Variants in FOXP2 observed in about 807,000 individuals in gnomAD.
FOXP2 encodes forkhead box P2, also known as forkhead box protein P2.
A neutral mutation model predicts 115.8 loss-of-function variants in FOXP2; 12 were observed. The observed-to-expected ratio is 0.10, with a 90% CI of 0.07 to 0.17. The LOEUF (loss-of-function observed/expected upper bound fraction) is 0.17, where lower values mean the gene tolerates loss of function less well. Among genes scored for constraint, FOXP2 ranks in the 10% least tolerant of loss-of-function variants. FOXP2 has a pLI of 1.00. For synonymous variants in FOXP2, 328 were observed against 297.7 expected (o/e 1.10, Z -1.05); for missense variants, 629 against 843.5 (o/e 0.75, Z 3.15).
At chr7:114,163,525 T>G (rs1182383673) in intron 1 of FOXP2, among the ~76,000 whole-genome samples, 1 of 152,178 alleles carries the variant, frequency 6.6e-6, no homozygotes, top group Non-Finnish European at 1.5e-5. Context: ...TACATTAATT[T>G]CTTTATTCAC....
At chr7:114,332,934 CTATT>C (rs568005521) in intron 2 of FOXP2, among the ~76,000 whole-genome samples, 19 of 152,058 alleles carry the variant, frequency 1.2e-4, no homozygotes, top group Non-Finnish European at 1.5e-4. Context: ...TCTGAAAGAA[CTATT>C]AAAAGATCAG....
intron 2 of FOXP2, among the ~76,000 whole-genome samples, chr7:114,294,841 A>AAAATAAAT (rs201482409): frequency 0.1 from 14,561 of 139,568 alleles, 1,120 homozygotes; most frequent in Admixed American, 0.24. Context: ...ACACTGCCTC[A>AAAATAAAT]AAATAAATAA....
chr7:114,496,340 G>A (rs563743133), intron 2 of FOXP2, among the ~76,000 whole-genome samples: 17 of 152,126 alleles, frequency 1.1e-4, no homozygotes, highest in African/African-American at 4.1e-4. Context: ...TGCTTCAATT[G>A]ATGTCTTCCA....
At chr7:114,329,353 A>G (rs906543282) in intron 2 of FOXP2, among the ~76,000 whole-genome samples, 1 of 151,948 alleles carries the variant, frequency 6.6e-6, no homozygotes, top group African/African-American at 2.4e-5. Flanking sequence ...CCTGGTCTCT[A>G]CTAAAAATAG....
intron 2 of FOXP2, among the ~76,000 whole-genome samples, chr7:114,515,397 A>T (rs935854066): frequency 1.1e-4 from 16 of 150,316 alleles, no homozygotes; most frequent in African/African-American, 3.9e-4. Context: ...CTGACTTTTT[A>T]ATGATTGCCA....
chr7:114,551,910 A>T lies in FOXP2; in HGVS notation c.258+17204A>T, dbSNP rs961266561. ...AGAGTACGTTTTATGACAAATATTT[A>T]TAACTACTGTTCTTTGTTCTATTTG... is the stretch of plus-strand genomic sequence containing the variant. On this transcript the variant is annotated intron_variant, in intron 3 of 16. Coordinates refer to ENST00000350908, the MANE Select transcript of FOXP2 (RefSeq NM_014491.4). 2.6e-5 allele frequency among the ~76,000 whole-genome samples: 4 copies of T among 152,300 alleles called. No individual in the cohort carries two copies. In the South Asian group the frequency reaches 8.3e-4, roughly 32 times the overall value.
intron 3 of FOXP2, among the ~76,000 whole-genome samples, chr7:114,624,107 A>G (rs558044018): frequency 2.0e-4 from 30 of 152,028 alleles, no homozygotes; most frequent in African/African-American, 5.3e-4. Context: ...TGCAATAAAT[A>G]GTTTCTTATG....
rs770192662 is a variant in FOXP2, at chr7:114,605,925, C to T, written c.259-22615C>T. On this transcript the variant is annotated intron_variant, in intron 3 of 16. Coordinates refer to ENST00000350908, the MANE Select transcript of FOXP2 (RefSeq NM_014491.4). ...TTTGGGAAGATAATTCTGGCAACAA[C>T]GAGTAGTATTGATTGGAGATGCAAG... 2.0e-5 allele frequency among the ~76,000 whole-genome samples: 3 copies of T among 152,140 alleles called. No individual in the cohort carries two copies. The East Asian group carries it at 5.8e-4, about 29-fold the overall frequency.
chr7:114,408,599 T>C (rs950827973), intron 2 of FOXP2, among the ~76,000 whole-genome samples: 2 of 151,942 alleles, frequency 1.3e-5, no homozygotes, highest in Non-Finnish European at 2.9e-5. Context: ...TGGTGGTGCA[T>C]GTCTGTAATC....
chr7:114,190,898 T>C (rs767472498), intron 1 of FOXP2, among the ~76,000 whole-genome samples: 5 of 152,136 alleles, frequency 3.3e-5, no homozygotes, highest in Non-Finnish European at 5.9e-5. Flanking sequence ...AGGAGGTATC[T>C]GGTTGTGTGA....
At chr7:114,459,327 A>G (rs905144335) in intron 2 of FOXP2, among the ~76,000 whole-genome samples, 2 of 152,246 alleles carry the variant, frequency 1.3e-5, no homozygotes, top group Non-Finnish European at 2.9e-5. Context: ...ATGAGCTGCC[A>G]TGGTATCCTT....
intron 2 of FOXP2, among the ~76,000 whole-genome samples, chr7:114,292,651 TTC>T (rs1325131612): frequency 6.6e-6 from 1 of 152,156 alleles, no homozygotes; most frequent in East Asian, 1.9e-4. Context: ...TTTTTCTTAT[TTC>T]TTACCTCCTT....
intron 2 of FOXP2, among the ~76,000 whole-genome samples, chr7:114,343,915 T>C (rs1257466790): frequency 2.0e-5 from 3 of 151,686 alleles, no homozygotes; most frequent in Non-Finnish European, 4.4e-5. Flanking sequence ...TGATGTTTAT[T>C]GTCTTCCTCA....
intron 1 of FOXP2, among the ~76,000 whole-genome samples, chr7:114,194,921 A>G (rs1175730857): frequency 1.3e-5 from 2 of 152,174 alleles, no homozygotes; most frequent in African/African-American, 4.8e-5. Context: ...TTCTTTTGCA[A>G]AATTGCTTTA....
intron 2 of FOXP2, among the ~76,000 whole-genome samples, chr7:114,448,325 T>G (rs1282163281): frequency 6.6e-6 from 1 of 152,138 alleles, no homozygotes; most frequent in Non-Finnish European, 1.5e-5. Context: ...TTTTGAAGCT[T>G]AGACTTTATA....
chr7:114,580,014 T>G (rs1045283574), intron 3 of FOXP2, among the ~76,000 whole-genome samples: 3 of 152,228 alleles, frequency 2.0e-5, no homozygotes, highest in African/African-American at 7.2e-5. Context: ...TATTGGCATA[T>G]GTAGCCTCTT....
intron 8 of FOXP2, chr7:114,645,629 C>G (rs1805844707): frequency 6.6e-6 from 1 of 152,034 alleles, no homozygotes; most frequent in African/African-American, 2.4e-5. Context: ...GTGCAGCTAA[C>G]AGGGTGAGTG....
intron 10 of FOXP2, among the ~76,000 whole-genome samples, chr7:114,655,038 A>C (rs1806497101): frequency 6.6e-6 from 1 of 152,136 alleles, no homozygotes; most frequent in South Asian, 2.1e-4. Context: ...TACTGTAAAA[A>C]CATTTTTATA....
At chr7:114,202,105 T>C (rs780885987) in intron 1 of FOXP2, among the ~76,000 whole-genome samples, 24 of 152,246 alleles carry the variant, frequency 1.6e-4, no homozygotes, top group Non-Finnish European at 2.9e-4. Flanking sequence ...AGGATCTGGA[T>C]GAGTACTGAT....
Sources: allele counts gnomAD v4.1 joint callset (sites outside exome capture counted in the v4.1 genomes callset), GRCh38; gene constraint gnomAD v4.1.1; transcripts MANE v1.5; gene names NCBI Gene and HGNC (gene_info 2026-07-23, HGNC 2026-07-21).